Variants in RFC3 observed in about 807,000 individuals in gnomAD.
RFC3 encodes replication factor C subunit 3, also known as A1 38 kDa subunit.
In RFC3, 41 loss-of-function variants were observed where a neutral mutation model predicts 45.1. The observed-to-expected ratio is 0.91, with a 90% confidence interval of 0.71 to 1.18. The LOEUF is 1.18. Among genes scored for constraint, RFC3 ranks in the 50% most tolerant of loss-of-function variants. The pLI is 0.00. For synonymous variants in RFC3, 149 were observed against 144.0 expected, an observed-to-expected ratio of 1.03 and a Z score of -0.25; for missense variants, 423 against 428.1, an observed-to-expected ratio of 0.99 and a Z score of 0.10.
intron 4 of RFC3, among the ~76,000 whole-genome samples, chr13:33,828,600 T>C (rs947855322): frequency 6.6e-6 from 1 of 152,214 alleles, no homozygotes; most frequent in South Asian, 2.1e-4. Flanking sequence ...AGCGGTGCCA[T>C]CAGAGCTTAC....
At chr13:33,894,313 A>G (rs2082583168) in intron 8 of RFC3, among the ~76,000 whole-genome samples, 1 of 152,152 alleles carries the variant, frequency 6.6e-6, no homozygotes. Context: ...GGAGTATATG[A>G]GAAGGAGTGG....
chr13:33,835,355 T>C, intron 8 of RFC3, 138 bp downstream of exon 8: 1 of 748,662 alleles, frequency 1.3e-6, no homozygotes, highest in Non-Finnish European at 2.5e-6. Context: ...ACTGAACCTC[T>C]ATGGTGTGCC....
chr13:33,830,657 A>C, intron 5 of RFC3, 62 bp from the exon 6 acceptor site: 1 of 1,403,036 alleles, frequency 7.1e-7, no homozygotes. Context: ...GAGGATATCA[A>C]CAGAAATGAA....
At chr13:33,948,532 C>T (rs2082968772) in intron 8 of RFC3, among the ~76,000 whole-genome samples, 7 of 152,172 alleles carry the variant, frequency 4.6e-5, no homozygotes. Flanking sequence ...AGGGCCACTG[C>T]CCTCCAGACC....
downstream of RFC3, among the ~76,000 whole-genome samples, chr13:33,838,857 C>T (rs2082176909): frequency 6.6e-6 from 1 of 152,040 alleles, no homozygotes; most frequent in South Asian, 2.1e-4. Flanking sequence ...TTAGGATTCT[C>T]TTTTGTTTTT....
chr13:33,845,567 CATTT>C (rs2082231341), intron 8 of RFC3, among the ~76,000 whole-genome samples: 2 of 152,304 alleles, frequency 1.3e-5, no homozygotes, highest in South Asian at 4.1e-4. Context: ...GGCTCTGATG[CATTT>C]ATTAATAGGC....
At chr13:33,922,150 CTTT>C (rs11317609) in intron 8 of RFC3, among the ~76,000 whole-genome samples, 11 of 126,504 alleles carry the variant, frequency 8.7e-5, no homozygotes, top group Admixed American at 1.6e-4. Flanking sequence ...AGCTTCATTG[CTTT>C]TTTTTTTTTT....
intron 8 of RFC3, among the ~76,000 whole-genome samples, chr13:33,870,911 A>G (rs1208506998): frequency 6.6e-6 from 1 of 152,190 alleles, no homozygotes; most frequent in Non-Finnish European, 1.5e-5. Flanking sequence ...GAGAATATAA[A>G]TTAAAATTGA....
At position 33,819,738 on chromosome 13, in the gene RFC3, G is replaced by A. The variant is rs552455119; in HGVS notation, c.88-1394G>A. Among the ~76,000 whole-genome samples the A allele has an allele frequency of 6.6e-5, 10 of 152,262 alleles. No homozygotes were observed. In the East Asian group the frequency reaches 1.9e-3, roughly 29 times the overall value. On this transcript the variant is annotated intron_variant, in intron 1 of 8. Transcript: ENST00000380071. The stretch of plus-strand genomic sequence containing the variant: ...GGCCACATTTTGTTGTACAGAATTT[G>A]GAATGTATATTTTGGACATGAATTT...
rs187869031 is a variant in RFC3 at position 33,865,988 on chromosome 13, G to A, written c.879+30771G>A. On this transcript the variant is annotated intron_variant, in intron 8 of 8. Transcript: ENST00000434425. Reference sequence around the variant, plus strand: ...GCAGGAGAATTGCTTGAACCCGGGAGGTGGAGGTTGCAGTGAGCCGAGATC... The same window carrying A: ...GCAGGAGAATTGCTTGAACCCGGGAAGTGGAGGTTGCAGTGAGCCGAGATC... Among the ~76,000 whole-genome samples, 1,229 of 152,268 alleles carry A rather than the reference G, an allele frequency of 8.1e-3. 10 individuals carry two copies. Among genetic ancestry groups the A allele is most frequent in the African/African-American group, 0.028 (1,182 of 41,542 alleles).
intron 8 of RFC3, among the ~76,000 whole-genome samples, chr13:33,890,199 T>A (rs2137631332): frequency 6.6e-6 from 1 of 152,276 alleles, no homozygotes; most frequent in Non-Finnish European, 1.5e-5. Context: ...GAGGCCTGCA[T>A]AACCCTTGGT....
At chr13:33,931,337 G>A (rs944217751) in intron 8 of RFC3, among the ~76,000 whole-genome samples, 1 of 152,120 alleles carries the variant, frequency 6.6e-6, no homozygotes, top group African/African-American at 2.4e-5. Flanking sequence ...TAGAGGGGCT[G>A]TTAAACACAG....
chr13:33,876,871 A>G (rs1461852779), intron 8 of RFC3, among the ~76,000 whole-genome samples: 1 of 152,216 alleles, frequency 6.6e-6, no homozygotes, highest in Non-Finnish European at 1.5e-5. Context: ...TGAGCTCCCA[A>G]ATCCCATGGT....
At chr13:33,868,327 G>T (rs1462181899) in intron 8 of RFC3, among the ~76,000 whole-genome samples, 4 of 152,112 alleles carry the variant, frequency 2.6e-5, no homozygotes, top group Non-Finnish European at 5.9e-5. Context: ...GGAGAGTAGG[G>T]TCTGGAGGCA....
At chr13:33,818,517 G>C (rs1199365836) in intron 1 of RFC3, among the ~76,000 whole-genome samples, 4 of 152,272 alleles carry the variant, frequency 2.6e-5, no homozygotes, top group Non-Finnish European at 5.9e-5. Context: ...AGAAATCCGA[G>C]CAAAGAGTGG....
intron 7 of RFC3, among the ~76,000 whole-genome samples, chr13:33,832,502 T>G (rs1453487803): frequency 6.6e-6 from 1 of 152,178 alleles, no homozygotes; most frequent in African/African-American, 2.4e-5. Flanking sequence ...TGGAGGTGGA[T>G]AGTGGATCAT....
At chr13:33,955,071 A>T (rs752626072) in intron 8 of RFC3, among the ~76,000 whole-genome samples, 1 of 152,042 alleles carries the variant, frequency 6.6e-6, no homozygotes, top group Non-Finnish European at 1.5e-5. Context: ...TGTGGCAAAA[A>T]CTCTAAATCT....
intron 8 of RFC3, among the ~76,000 whole-genome samples, chr13:33,931,777 A>G (rs369576275): frequency 3.9e-4 from 60 of 152,168 alleles, no homozygotes; most frequent in African/African-American, 1.4e-3. Context: ...CCTACCTGCA[A>G]TCTAAAGATC....
At chr13:33,948,817 A>G (rs1471191467) in intron 8 of RFC3, among the ~76,000 whole-genome samples, 2 of 152,150 alleles carry the variant, frequency 1.3e-5, no homozygotes, top group African/African-American at 4.8e-5. Context: ...GTTCTGGTCA[A>G]TTTCTCCCAT....
Sources: allele counts gnomAD v4.1 joint callset (sites outside exome capture counted in the v4.1 genomes callset), GRCh38; gene constraint gnomAD v4.1.1; transcripts MANE v1.5; gene names NCBI Gene and HGNC (gene_info 2026-07-23, HGNC 2026-07-21).